Variants in TBCD observed in about 807,000 individuals in gnomAD.
TBCD encodes tubulin-specific chaperone D.
Under a neutral mutation model 169.3 loss-of-function variants are expected in TBCD, and 105 were observed. That is an observed-to-expected ratio of 0.62 (90% CI 0.53 to 0.73). The LOEUF is 0.73. Among genes scored for constraint, TBCD ranks in the 30% least tolerant of loss-of-function variants. The pLI is 0.00. For missense variants in TBCD, 1,444 were observed against 1,600.1 expected, an observed-to-expected ratio of 0.90 and a Z score of 1.66; for synonymous variants, 700 against 643.9, an observed-to-expected ratio of 1.09 and a Z score of -1.32.
chr17:82,800,775 G>T (rs531453991), intron 8 of TBCD, 89 bp from the exon 9 acceptor site: 2 of 1,499,000 alleles, frequency 1.3e-6, no homozygotes, highest in Non-Finnish European at 1.8e-6. Flanking sequence ...AGGCCCCTGT[G>T]GAGCCGGCTG....
At chr17:82,939,548 C>T in intron 37 of TBCD, 72 bp downstream of exon 37, 1 of 1,212,172 alleles carries the variant, frequency 8.2e-7, no homozygotes, top group Non-Finnish European at 1.2e-6. Context: ...ACCGTGTCTA[C>T]TCGTCTCTCC....
Position 82,937,645 on chromosome 17 carries a change from G to A in TBCD, c.3281+285G>A, listed in dbSNP as rs2062745208. ...TCCGGAAAGGAGCTGCGTGGTCAGG[G>A]GCTGCCTCCCCGATTCTCCTGTGTG... On this transcript the variant is annotated intron_variant, in intron 35 of 38. Coordinates refer to ENST00000355528, the MANE Select transcript of TBCD (RefSeq NM_005993.5). The A allele has an allele frequency of 8.3e-6, 5 of 602,306 alleles. No homozygotes were observed. The South Asian group carries it at 8.5e-5, about 10-fold the overall frequency. 37.3% of individuals were successfully genotyped at this position (602,306 alleles called of 1,614,324 possible).
chr17:82,876,877 G>A, intron 14 of TBCD: 4 of 711,134 alleles, frequency 5.6e-6, no homozygotes, highest in Non-Finnish European at 6.9e-6. Context: ...ACTGCCGGGA[G>A]AGGGAGCCGG....
At position 82,935,473 on chromosome 17, in the gene TBCD, C is replaced by G. The variant is rs570403532; in HGVS notation, c.3192-1798C>G. Reference sequence around the variant, plus strand: ...TTTTCCCTGTGCTGCGTTCCCAGTGCCCCCTCCCCGCCCCCACCTGTGCTT... The same window carrying G: ...TTTTCCCTGTGCTGCGTTCCCAGTGGCCCCTCCCCGCCCCCACCTGTGCTT... On this transcript the variant is annotated intron_variant, in intron 34 of 38. Transcript: ENST00000355528. Among the ~76,000 whole-genome samples, 9 of 152,114 alleles carry G rather than the reference C, an allele frequency of 5.9e-5. No homozygotes were observed. The South Asian group carries it at 1.9e-3, about 32-fold the overall frequency.
chr17:82,787,393 C>T (rs2049396179), intron 7 of TBCD, among the ~76,000 whole-genome samples: 1 of 152,376 alleles, frequency 6.6e-6, no homozygotes, highest in South Asian at 2.1e-4. Context: ...CAGCACGTCC[C>T]TTCCAGAGCG....
chr17:82,918,009 C>G (rs925658938), intron 23 of TBCD, among the ~76,000 whole-genome samples: 8 of 152,196 alleles, frequency 5.3e-5, no homozygotes, highest in Non-Finnish European at 1.0e-4. Flanking sequence ...GTTATCTAGT[C>G]TGTTAGTTTT....
At chr17:82,795,163 G>A (rs2050011775) in intron 7 of TBCD, among the ~76,000 whole-genome samples, 1 of 152,258 alleles carries the variant, frequency 6.6e-6, no homozygotes, top group Admixed American at 6.5e-5. Flanking sequence ...GTTCATGTGT[G>A]AGGGCACTCT....
chr17:82,940,242 C>T (rs1188087852), intron 37 of TBCD, among the ~76,000 whole-genome samples: 2 of 151,496 alleles, frequency 1.3e-5, no homozygotes, highest in African/African-American at 4.8e-5. Context: ...CACACACACA[C>T]ACACTTCTAA....
chr17:82,888,611 A>C (rs1343166256), intron 15 of TBCD, among the ~76,000 whole-genome samples: 1 of 152,160 alleles, frequency 6.6e-6, no homozygotes, highest in Non-Finnish European at 1.5e-5. Context: ...AGCCCAGCCC[A>C]GGGGTCTGCC....
chr17:82,930,078 C>T lies in TBCD; in HGVS notation c.2992-444C>T, dbSNP rs574579727. On this transcript the variant is annotated intron_variant, in intron 32 of 38. Coordinates refer to ENST00000355528, the MANE Select transcript of TBCD (RefSeq NM_005993.5). The surrounding 1 kb of genome is among the most constrained non-coding windows in gnomAD (Gnocchi z 5.2). The stretch of plus-strand genomic sequence containing the variant: ...AGGTGCCCTCTGCGCCGTGTGGGCG[C>T]GTGCGGGGAGACCCGGGCCCCAGGA... 1.6e-5 allele frequency: 4 copies of T among 252,964 alleles called. No homozygotes were observed. Among genetic ancestry groups the T allele is most frequent in the Non-Finnish European group, 2.3e-5 (3 of 129,222 alleles). The allele number at this position is 252,964 out of a possible 1,614,324, so 15.7% of individuals were successfully genotyped here.
intron 22 of TBCD, among the ~76,000 whole-genome samples, chr17:82,911,500 G>T (rs927697509): frequency 1.3e-5 from 2 of 152,232 alleles, no homozygotes; most frequent in Admixed American, 1.3e-4. Flanking sequence ...GTTCTGTGAT[G>T]GGATACCAGT....
intron 17 of TBCD, among the ~76,000 whole-genome samples, chr17:82,898,118 C>T (rs1030683497): frequency 1.2e-4 from 16 of 131,878 alleles, no homozygotes; most frequent in Middle Eastern, 5.6e-3. Flanking sequence ...CTGTTCTCCC[C>T]GGCTGGTTTT....
In TBCD at chr17:82,923,862, G is replaced by T; in HGVS notation, c.2260+129G>T. 1.4e-6 allele frequency: 1 copy of T among 728,652 alleles called. No homozygotes were observed. Among genetic ancestry groups the T allele is most frequent in the South Asian group, 2.0e-5 (1 of 50,842 alleles). The allele number at this position is 728,652 out of a possible 1,614,324, so 45.1% of individuals were successfully genotyped here. On this transcript the variant is annotated intron_variant, in intron 26 of 38. Transcript: ENST00000355528. The surrounding 1 kb of genome is among the most constrained non-coding windows in gnomAD (Gnocchi z 4.6). ...GCCACCACGATCATGGCTGGAGTGG[G>T]ACTGTTCGGGTCTCAGGTTCCCAGC...
chr17:82,911,313 C>T (rs558504697), intron 22 of TBCD, among the ~76,000 whole-genome samples: 184 of 152,332 alleles, frequency 1.2e-3, no homozygotes, highest in Middle Eastern at 3.4e-3. Context: ...ACCAGGGTCC[C>T]GCTGTCAGCG....
intron 14 of TBCD, chr17:82,877,087 C>G (rs1324314577): frequency 2.0e-5 from 14 of 706,278 alleles, no homozygotes; most frequent in Non-Finnish European, 2.4e-5. Flanking sequence ...TAACACATTT[C>G]AAGAATTCAG....
chr17:82,878,120 G>A (rs1013361400), intron 14 of TBCD, among the ~76,000 whole-genome samples: 1 of 152,224 alleles, frequency 6.6e-6, no homozygotes, highest in African/African-American at 2.4e-5. Context: ...TTGGAAGCCA[G>A]GAAGTGCAGT....
intron 13 of TBCD, among the ~76,000 whole-genome samples, chr17:82,820,835 G>A (rs182879350): frequency 2.7e-5 from 4 of 145,690 alleles, no homozygotes; most frequent in African/African-American, 1.0e-4. Context: ...TTCAGCTGTT[G>A]AGTCCTCTTG....
chr17:82,752,205 C>T lies in TBCD; in HGVS notation c.12C>T (p.Ser4=). The part of the protein sequence containing the change: MAL[S]DEPAAGGPEE... ...CCCAGGCTGCCGAGATGGCCCTGAG[C>T]GACGAACCGGCCGCGGGCGGCCCCG... The change falls in exon 1 of 39, where the codon AGC becomes AGT. Residue 4 remains serine (S), a synonymous_variant. Transcript: ENST00000355528. 1 of 1,521,720 alleles carries T rather than the reference C, an allele frequency of 6.6e-7. No homozygotes were observed. Among genetic ancestry groups the T allele is most frequent in the African/African-American group, 1.4e-5 (1 of 69,560 alleles). 94.3% of individuals were successfully genotyped at this position (1,521,720 alleles called of 1,614,324 possible). A position where few individuals can be genotyped will look rare whatever the true frequency, so the allele number is the denominator to read the frequency against.
At chr17:82,781,189 G>A (rs111922814) in intron 6 of TBCD, among the ~76,000 whole-genome samples, 2,300 of 151,990 alleles carry the variant, frequency 0.015, 63 homozygotes, top group African/African-American at 0.051. Flanking sequence ...GGCCTTGCAC[G>A]TGGGCACGGT....
Sources: allele counts gnomAD v4.1 joint callset (sites outside exome capture counted in the v4.1 genomes callset), GRCh38; gene constraint gnomAD v4.1.1; non-coding constraint Gnocchi (gnomAD v3.1); transcripts MANE v1.5; gene names NCBI Gene and HGNC (gene_info 2026-07-23, HGNC 2026-07-21).